Variants in APOO observed in about 807,000 individuals in gnomAD.
APOO encodes MICOS complex subunit MIC26.
Under a neutral mutation model 23.1 loss-of-function variants are expected in APOO, and 11 were observed. The observed-to-expected ratio is 0.48, with a 90% CI of 0.30 to 0.79. APOO has a LOEUF of 0.79. APOO is among the 30% of genes least tolerant of loss of function. The pLI is 0.07. For synonymous variants in APOO, 59 were observed against 54.8 expected (o/e 1.08, Z -0.34); for missense variants, 160 against 142.7 (o/e 1.12, Z -0.62).
At chrX:23,873,426 G>T (rs1186838702) in intron 4 of APOO, among the ~76,000 whole-genome samples, 2 of 110,993 alleles carry the variant, frequency 1.8e-5, no homozygotes, top group African/African-American at 6.5e-5. Flanking sequence ...GGCTAACAAG[G>T]TGAAACCCTG....
At chrX:23,861,104 C>T (rs1318486984) in intron 5 of APOO, among the ~76,000 whole-genome samples, 9 of 111,240 alleles carry the variant, frequency 8.1e-5, no homozygotes, top group African/African-American at 2.6e-4. Context: ...TATGCCACTG[C>T]ACTCCAGCCT....
chrX:23,855,694 C>T (rs901888415), intron 7 of APOO, among the ~76,000 whole-genome samples: 4 of 111,388 alleles, frequency 3.6e-5, no homozygotes, highest in African/African-American at 6.5e-5. Flanking sequence ...AACATTTAAT[C>T]GGCTATGTGG....
intron 8 of APOO, among the ~76,000 whole-genome samples, chrX:23,837,493 C>T (rs1476468589): frequency 9.1e-6 from 1 of 109,444 alleles, no homozygotes; most frequent in East Asian, 2.8e-4. Flanking sequence ...ATCCCATCCC[C>T]CCAGATAAAT....
chrX:23,836,215 C>T (rs953878636), intron 8 of APOO, among the ~76,000 whole-genome samples: 19 of 112,791 alleles, frequency 1.7e-4, no homozygotes, highest in Admixed American at 8.4e-4. Context: ...CTCACTGCAA[C>T]CTCTACCTCC....
chrX:23,858,673 T>C lies in APOO; in HGVS notation c.449A>G (p.Tyr150Cys), dbSNP rs1208795156. The C allele has an allele frequency of 3.3e-6, 4 of 1,209,705 alleles. No individual in the cohort carries two copies. Among genetic ancestry groups the C allele is most frequent in the Middle Eastern group, 2.3e-4 (1 of 4,350 alleles). Residue 150 changes from tyrosine (Y) to cysteine (C), a missense_variant, in exon 6 of 9, where the codon TAT (tyrosine) becomes TGT (cysteine). Transcript: ENST00000379226. ...PGFMGLAASL[Y>C]YPQQAIVFAQ... ...AAACACGATGGCTTGTTGTGGATAA[T>C]AGAGGGAGGCAGCTAATCCCATGAA...
intron 7 of APOO, among the ~76,000 whole-genome samples, chrX:23,854,001 C>T (rs1280643132): frequency 1.8e-5 from 2 of 111,487 alleles, no homozygotes; most frequent in Non-Finnish European, 3.8e-5. Context: ...GAGTAACAAA[C>T]AGGAGAAAGC....
At chrX:23,864,949 G>A (rs189297568) in intron 5 of APOO, among the ~76,000 whole-genome samples, 5,435 of 110,575 alleles carry the variant, frequency 0.049, 365 homozygotes, top group African/African-American at 0.17. Context: ...AGAAGTGGCA[G>A]CTCTCGGGCC....
intron 7 of APOO, among the ~76,000 whole-genome samples, chrX:23,851,199 CT>C (rs35918681): frequency 0.48 from 48,795 of 101,062 alleles, 11,507 homozygotes; most frequent in African/African-American, 0.86. Flanking sequence ...CGGTAATTTC[CT>C]TTTTTTTTTT....
chrX:23,891,486 CA>C (rs1249983422), intron 1 of APOO, among the ~76,000 whole-genome samples: 1 of 111,848 alleles, frequency 8.9e-6, no homozygotes, highest in East Asian at 2.8e-4. Flanking sequence ...CTCAGCCTCC[CA>C]AAGTGCTGGG....
chrX:23,869,640 G>GAAA (rs761388017), intron 4 of APOO, among the ~76,000 whole-genome samples: 12 of 33,905 alleles, frequency 3.5e-4, no homozygotes, highest in African/African-American at 4.7e-4. Context: ...CTCTTAAAAA[G>GAAA]AAAAAAAAAA....
At chrX:23,852,682 C>T (rs1293454446) in intron 7 of APOO, among the ~76,000 whole-genome samples, 1 of 109,905 alleles carries the variant, frequency 9.1e-6, no homozygotes, top group African/African-American at 3.3e-5. Flanking sequence ...ACTTGAAAAC[C>T]AACTTCCTAA....
At chrX:23,888,672 G>A (rs750984725) in intron 1 of APOO, among the ~76,000 whole-genome samples, 6 of 109,708 alleles carry the variant, frequency 5.5e-5, no homozygotes, top group Non-Finnish European at 9.5e-5. Context: ...CCAACACACT[G>A]AAACTCCATC....
chrX:23,862,501 C>T lies in APOO; in HGVS notation c.389-3768G>A, dbSNP rs748588351. ...TCAAAGATACACAAGATAGGCTGGGCGCAGTGGCTCATGCCTATAATCCTA... is the reference window on the plus strand; with the variant it reads ...TCAAAGATACACAAGATAGGCTGGGTGCAGTGGCTCATGCCTATAATCCTA... On this transcript the variant is annotated intron_variant, in intron 5 of 8. Transcript: ENST00000379226. Among the ~76,000 whole-genome samples, 9 of 109,222 alleles carry T rather than the reference C, an allele frequency of 8.2e-5. No homozygotes were observed. In the East Asian group the frequency reaches 8.8e-4, roughly 11 times the overall value. 94.8% of individuals were successfully genotyped at this position (109,222 alleles called of 115,157 possible). A position where few individuals can be genotyped will look rare whatever the true frequency, so the allele number is the denominator to read the frequency against.
At chrX:23,861,573 A>G (rs1382823755) in intron 5 of APOO, among the ~76,000 whole-genome samples, 1 of 108,501 alleles carries the variant, frequency 9.2e-6, no homozygotes, top group Non-Finnish European at 1.9e-5. Flanking sequence ...AAAAAAAAAA[A>G]AAAAAAAAGA....
intron 1 of APOO, among the ~76,000 whole-genome samples, chrX:23,889,232 A>C: frequency 8.9e-6 from 1 of 111,902 alleles, no homozygotes; most frequent in Non-Finnish European, 1.9e-5. Flanking sequence ...CCAAGACATG[A>C]ATCTGGTAAG....
intron 7 of APOO, among the ~76,000 whole-genome samples, chrX:23,846,216 C>T (rs751504527): frequency 5.7e-4 from 59 of 104,356 alleles, no homozygotes; most frequent in Middle Eastern, 5.2e-3. Flanking sequence ...GAGGCTGAGG[C>T]GGAAGAATCG....
chrX:23,881,177 C>T (rs1926105627), intron 1 of APOO, among the ~76,000 whole-genome samples: 1 of 110,278 alleles, frequency 9.1e-6, no homozygotes, highest in Non-Finnish European at 1.9e-5. Flanking sequence ...CAGGTTCAAG[C>T]GATTCTTCTA....
chrX:23,897,994 C>CAA (rs1159982523), intron 1 of APOO, among the ~76,000 whole-genome samples: 427 of 38,272 alleles, frequency 0.011, 8 homozygotes, highest in African/African-American at 0.038. Flanking sequence ...GATTCTGTCT[C>CAA]AAAAAAAAAA....
intron 4 of APOO, among the ~76,000 whole-genome samples, chrX:23,870,041 C>T (rs1171585805): frequency 9.0e-6 from 1 of 110,826 alleles, no homozygotes; most frequent in East Asian, 2.8e-4. Flanking sequence ...AACAGAAGAA[C>T]AGAATAAATT....
Sources: gnomAD v4.1 joint callset for allele counts (sites outside exome capture counted in the v4.1 genomes callset) on GRCh38, gnomAD v4.1.1 for gene constraint, MANE v1.5 for transcripts, NCBI Gene and HGNC (gene_info 2026-07-23, HGNC 2026-07-21) for gene names.